SLC16A10: variants seen among roughly 807,000 people sequenced by gnomAD.
SLC16A10 encodes the protein monocarboxylate transporter 10.
A neutral mutation model predicts 40.0 loss-of-function variants in SLC16A10; 27 were observed. That is an observed-to-expected ratio of 0.67 (90% CI 0.50 to 0.93). The LOEUF (loss-of-function observed/expected upper bound fraction) is 0.93. SLC16A10 is among the 40% of genes least tolerant of loss of function. The pLI is 0.00. For missense variants in SLC16A10, 529 were observed against 658.2 expected (o/e 0.80, Z 2.15); for synonymous variants, 213 against 249.8 (o/e 0.85, Z 1.39).
At chr6:111,215,445 T>G (rs1006084544) in intron 4 of SLC16A10, among the ~76,000 whole-genome samples, 1 of 149,700 alleles carries the variant, frequency 6.7e-6, no homozygotes, top group Non-Finnish European at 1.5e-5. Flanking sequence ...AAATATGTAC[T>G]GACCAAAATA....
intron 1 of SLC16A10, among the ~76,000 whole-genome samples, chr6:111,099,742 G>C (rs949323538): frequency 3.9e-5 from 6 of 152,120 alleles, no homozygotes; most frequent in African/African-American, 9.7e-5. Context: ...AATGATTAAG[G>C]CTGGGCAGAA....
chr6:111,107,648 A>G (rs1771307511), intron 1 of SLC16A10, among the ~76,000 whole-genome samples: 2 of 152,220 alleles, frequency 1.3e-5, no homozygotes, highest in South Asian at 2.1e-4. Context: ...AAGGATTGTA[A>G]TAGGAGAGGA....
At chr6:111,095,957 T>C (rs954748411) in intron 1 of SLC16A10, among the ~76,000 whole-genome samples, 3 of 152,238 alleles carry the variant, frequency 2.0e-5, no homozygotes, top group African/African-American at 7.2e-5. Context: ...AAGGCTTTCA[T>C]GTACATTATT....
intron 3 of SLC16A10, among the ~76,000 whole-genome samples, chr6:111,193,955 T>C (rs758877991): frequency 2.0e-5 from 3 of 152,196 alleles, no homozygotes; most frequent in Non-Finnish European, 4.4e-5. Flanking sequence ...GAGTTTTGTG[T>C]GGGAAGTGTC....
Position 111,226,444 on chromosome 6 carries a change from A to G in SLC16A10, c.*4209A>G, listed in dbSNP as rs1770997178. On this transcript the variant is annotated 3_prime_UTR_variant, in exon 6 of 6. Coordinates refer to ENST00000368851, the MANE Select transcript of SLC16A10 (RefSeq NM_018593.5). ...ACAAGTAGAAATGCATAAGCTAATTAGCTCCAATTTTATAATATGTAAACA... is the reference window on the plus strand; with the variant it reads ...ACAAGTAGAAATGCATAAGCTAATTGGCTCCAATTTTATAATATGTAAACA... 2 of 152,328 alleles carry G rather than the reference A, an allele frequency of 1.3e-5. No individual in the cohort carries two copies. Among genetic ancestry groups the G allele is most frequent in the South Asian group, 4.1e-4 (2 of 4,830 alleles). 9.4% of individuals were successfully genotyped at this position (152,328 alleles called of 1,614,324 possible).
At chr6:111,133,548 T>C (rs1001616585) in intron 1 of SLC16A10, among the ~76,000 whole-genome samples, 1 of 152,226 alleles carries the variant, frequency 6.6e-6, no homozygotes, top group African/African-American at 2.4e-5. Flanking sequence ...GTATAAATTA[T>C]AACACCATCT....
chr6:111,165,841 C>G (rs1772462519), intron 1 of SLC16A10, among the ~76,000 whole-genome samples: 1 of 152,222 alleles, frequency 6.6e-6, no homozygotes, highest in Non-Finnish European at 1.5e-5. Flanking sequence ...TACTCATTCC[C>G]TAAGCCAGGA....
intron 1 of SLC16A10, among the ~76,000 whole-genome samples, chr6:111,159,067 CAA>C (rs548809670): frequency 1.7e-4 from 4 of 23,392 alleles, no homozygotes; most frequent in South Asian, 1.8e-3. Flanking sequence ...GACCCTGACT[CAA>C]AAAAAAAAAA....
In SLC16A10 at chr6:111,222,702, T is replaced by TA. The variant is rs1374816444; in HGVS notation, c.*468dup. 3 of 160,512 alleles carry TA rather than the reference T, an allele frequency of 1.9e-5. No homozygotes were observed. The highest frequency in any genetic ancestry group is 7.2e-5 in the African/African-American group (3 of 41,498). 9.9% of individuals were successfully genotyped at this position (160,512 alleles called of 1,614,324 possible). On this transcript the variant is annotated 3_prime_UTR_variant, in exon 6 of 6. Coordinates refer to ENST00000368851, the MANE Select transcript of SLC16A10 (RefSeq NM_018593.5). ...AAATTTAAGCCTGGGTTCTAGATAA[T>TA]ACCAGATCTACCTAAACCTCAAGTC...
intron 1 of SLC16A10, among the ~76,000 whole-genome samples, chr6:111,166,871 A>T (rs1772482695): frequency 6.6e-6 from 1 of 152,156 alleles, no homozygotes; most frequent in Non-Finnish European, 1.5e-5. Context: ...GCTTCCTGGT[A>T]TTTTTCTGTT....
At chr6:111,157,941 G>GCGA in intron 1 of SLC16A10, among the ~76,000 whole-genome samples, 1 of 151,112 alleles carries the variant, frequency 6.6e-6, no homozygotes, top group South Asian at 2.1e-4. Context: ...AAAGAACTGT[G>GCGA]ATCCTAGTTG....
chr6:111,189,332 A>G (rs1367259501), intron 3 of SLC16A10, among the ~76,000 whole-genome samples: 1 of 152,228 alleles, frequency 6.6e-6, no homozygotes, highest in African/African-American at 2.4e-5. Context: ...TGAAGGTACA[A>G]AAATAAGACA....
At chr6:111,211,356 T>G (rs913408056) in intron 4 of SLC16A10, among the ~76,000 whole-genome samples, 1 of 152,242 alleles carries the variant, frequency 6.6e-6, no homozygotes, top group Admixed American at 6.5e-5. Context: ...TCCAGTAATT[T>G]ACAAAAGAAA....
chr6:111,218,673 G>A, intron 4 of SLC16A10, 141 bp from the exon 5 acceptor site: 2 of 667,378 alleles, frequency 3.0e-6, no homozygotes, highest in Admixed American at 5.0e-5. Flanking sequence ...AGTTGATTAT[G>A]TATGTAAAAT....
intron 1 of SLC16A10, among the ~76,000 whole-genome samples, chr6:111,130,964 A>G (rs1771770763): frequency 6.6e-6 from 1 of 152,236 alleles, no homozygotes; most frequent in East Asian, 1.9e-4. Flanking sequence ...TAGGGTAGGT[A>G]TGAGGATTAA....
intron 1 of SLC16A10, among the ~76,000 whole-genome samples, chr6:111,135,437 G>A (rs1771860849): frequency 1.3e-5 from 2 of 152,154 alleles, no homozygotes. Flanking sequence ...AACAGACAGT[G>A]GAGGTTAGTG....
intron 3 of SLC16A10, among the ~76,000 whole-genome samples, chr6:111,183,073 A>G (rs758431991): frequency 3.9e-5 from 6 of 152,146 alleles, no homozygotes; most frequent in Non-Finnish European, 8.8e-5. Flanking sequence ...AGAATCCTTC[A>G]ATGGCTTCCC....
At chr6:111,210,288 A>G (rs1438025955) in intron 4 of SLC16A10, among the ~76,000 whole-genome samples, 2 of 152,178 alleles carry the variant, frequency 1.3e-5, no homozygotes, top group Non-Finnish European at 1.5e-5. Flanking sequence ...GTCTGTGTGT[A>G]TAGAGGTCCA....
intron 1 of SLC16A10, among the ~76,000 whole-genome samples, chr6:111,143,496 A>G (rs772987019): frequency 1.4e-4 from 22 of 152,128 alleles, no homozygotes; most frequent in Non-Finnish European, 2.5e-4. Context: ...GTAGGAGCCC[A>G]GCTAATTTTT....
Sources: allele counts gnomAD v4.1 joint callset (sites outside exome capture counted in the v4.1 genomes callset), GRCh38; gene constraint gnomAD v4.1.1; transcripts MANE v1.5; gene names NCBI Gene and HGNC (gene_info 2026-07-23, HGNC 2026-07-21).